The following MUSK variants were observed in gnomAD, a reference collection of about 807,000 sequenced individuals.
MUSK encodes muscle associated receptor tyrosine kinase.
Under a neutral mutation model 88.7 loss-of-function variants are expected in MUSK, and 55 were observed. The observed-to-expected ratio is 0.62, with a 90% CI of 0.50 to 0.78. The LOEUF (loss-of-function observed/expected upper bound fraction) is 0.78, where lower values mean the gene tolerates loss of function less well. Ranked by LOEUF, MUSK falls within the 30% of genes least tolerant of loss-of-function variation. MUSK has a pLI of 0.00. For synonymous variants in MUSK, 387 were observed against 391.9 expected, an observed-to-expected ratio of 0.99 and a Z score of 0.15; for missense variants, 1,015 against 1,074.3, an observed-to-expected ratio of 0.94 and a Z score of 0.77.
chr9:110,774,323 C>T (rs2131981551), intron 9 of MUSK, among the ~76,000 whole-genome samples: 2 of 152,162 alleles, frequency 1.3e-5, no homozygotes, highest in South Asian at 4.2e-4. Flanking sequence ...GTAGTTACTT[C>T]CATGTTCAAA....
At chr9:110,670,468 A>C (rs1030220716) in intron 1 of MUSK, among the ~76,000 whole-genome samples, 2 of 152,210 alleles carry the variant, frequency 1.3e-5, no homozygotes, top group Non-Finnish European at 2.9e-5. Flanking sequence ...GATTCAAATA[A>C]GGATTTGTTG....
At chr9:110,680,189 G>A (rs564584283) in intron 1 of MUSK, among the ~76,000 whole-genome samples, 53 of 152,048 alleles carry the variant, frequency 3.5e-4, no homozygotes, top group African/African-American at 1.2e-3. Context: ...TTATTTTTAC[G>A]CAGTCATGTA....
chr9:110,735,560 TGG>T (rs1297489320), intron 6 of MUSK, among the ~76,000 whole-genome samples: 4 of 151,896 alleles, frequency 2.6e-5, no homozygotes, highest in African/African-American at 9.7e-5. Context: ...GGAAAGGTAG[TGG>T]GGAAGGGAGG....
At chr9:110,678,312 A>T (rs562532190) in intron 1 of MUSK, among the ~76,000 whole-genome samples, 18 of 151,888 alleles carry the variant, frequency 1.2e-4, no homozygotes, top group South Asian at 6.2e-4. Context: ...GTAGAGATGC[A>T]GTCTTGCCAT....
intron 6 of MUSK, among the ~76,000 whole-genome samples, chr9:110,746,698 C>T (rs191853323): frequency 2.0e-5 from 3 of 152,286 alleles, no homozygotes; most frequent in East Asian, 1.9e-4. Context: ...AACTTCCTGA[C>T]GTGTTGAACT....
chr9:110,706,868 G>T (rs1159246338), intron 5 of MUSK, among the ~76,000 whole-genome samples: 1 of 152,084 alleles, frequency 6.6e-6, no homozygotes, highest in South Asian at 2.1e-4. Flanking sequence ...GCCGGGCATG[G>T]TGGTGCACAC....
intron 7 of MUSK, among the ~76,000 whole-genome samples, chr9:110,749,814 GT>G (rs138647559): frequency 0.095 from 14,435 of 152,056 alleles, 725 homozygotes; most frequent in Middle Eastern, 0.15. Context: ...AGAAGGATGA[GT>G]TCAGATGTGT....
At chr9:110,713,793 ATCTTAT>A (rs978350922) in intron 5 of MUSK, among the ~76,000 whole-genome samples, 24 of 152,300 alleles carry the variant, frequency 1.6e-4, no homozygotes, top group African/African-American at 5.8e-4. Flanking sequence ...TAAAACAAAA[ATCTTAT>A]TCTTAATAGA....
chr9:110,791,254 G>T (rs1306252634), intron 14 of MUSK, among the ~76,000 whole-genome samples: 2 of 140,724 alleles, frequency 1.4e-5, no homozygotes, highest in Non-Finnish European at 3.1e-5. Context: ...GTGTGTGTGC[G>T]CACCGTGCGC....
At chr9:110,685,418 T>C (rs2076184219) in intron 2 of MUSK, among the ~76,000 whole-genome samples, 1 of 152,158 alleles carries the variant, frequency 6.6e-6, no homozygotes, top group South Asian at 2.1e-4. Context: ...TCCTGGTTCC[T>C]TTTTTGCTTA....
At chr9:110,750,085 A>T (rs1587989285) in intron 7 of MUSK, among the ~76,000 whole-genome samples, 1 of 151,570 alleles carries the variant, frequency 6.6e-6, no homozygotes, top group African/African-American at 2.4e-5. Context: ...ACACACATGG[A>T]GAGAGAGAGA....
intron 14 of MUSK, among the ~76,000 whole-genome samples, chr9:110,789,470 G>T (rs569895886): frequency 1.3e-5 from 2 of 152,162 alleles, no homozygotes; most frequent in Non-Finnish European, 2.9e-5. Flanking sequence ...TGGAGAGAGT[G>T]GGAATTCATT....
intron 6 of MUSK, among the ~76,000 whole-genome samples, chr9:110,735,296 T>C (rs2077015979): frequency 6.6e-6 from 1 of 152,040 alleles, no homozygotes; most frequent in Non-Finnish European, 1.5e-5. Flanking sequence ...AACCAAGATA[T>C]AGAATCAAAC....
At chr9:110,688,476 G>T (rs1398184995) in intron 3 of MUSK, among the ~76,000 whole-genome samples, 1 of 151,686 alleles carries the variant, frequency 6.6e-6, no homozygotes, top group Non-Finnish European at 1.5e-5. Context: ...CTTTCATTTT[G>T]AGTTCAGGGG....
chr9:110,774,983 T>A (rs2077644930), intron 9 of MUSK, among the ~76,000 whole-genome samples: 1 of 152,170 alleles, frequency 6.6e-6, no homozygotes, highest in Non-Finnish European at 1.5e-5. Context: ...ATCTTTAATT[T>A]CCTCTTATTA....
At chr9:110,735,820 A>G (rs1369100132) in intron 6 of MUSK, among the ~76,000 whole-genome samples, 1 of 152,088 alleles carries the variant, frequency 6.6e-6, no homozygotes, top group Non-Finnish European at 1.5e-5. Flanking sequence ...GACATCTCAC[A>G]TGGCCAGAGC....
intron 3 of MUSK, among the ~76,000 whole-genome samples, chr9:110,689,395 A>C (rs2076254654): frequency 8.6e-6 from 1 of 116,716 alleles, no homozygotes; most frequent in African/African-American, 3.6e-5. Flanking sequence ...ATATAAAAAT[A>C]TGTGAAAAAT....
At chr9:110,691,496 A>G (rs1478805815) in intron 3 of MUSK, among the ~76,000 whole-genome samples, 1 of 151,980 alleles carries the variant, frequency 6.6e-6, no homozygotes, top group Non-Finnish European at 1.5e-5. Flanking sequence ...TGATTCCCCA[A>G]TGGGGCTTTT....
chr9:110,724,906 G>C (rs1346752054), intron 5 of MUSK, among the ~76,000 whole-genome samples: 2 of 151,710 alleles, frequency 1.3e-5, no homozygotes, highest in African/African-American at 4.8e-5. Flanking sequence ...GTTTGAAAGA[G>C]GTCAAAAGTA....
Sources: gnomAD v4.1 joint callset for allele counts (sites outside exome capture counted in the v4.1 genomes callset) on GRCh38, gnomAD v4.1.1 for gene constraint, MANE v1.5 for transcripts, NCBI Gene and HGNC (gene_info 2026-07-23, HGNC 2026-07-21) for gene names.